The following C1GALT1 variants were observed in gnomAD, a reference collection of about 807,000 sequenced individuals.
C1GALT1 encodes glycoprotein-N-acetylgalactosamine 3-beta-galactosyltransferase 1.
In C1GALT1, 11 loss-of-function variants were observed where a neutral mutation model predicts 31.0. That is an observed-to-expected ratio of 0.36 (90% CI 0.22 to 0.59). C1GALT1 has a LOEUF of 0.59. Among genes scored for constraint, C1GALT1 ranks in the 20% least tolerant of loss-of-function variants. The pLI, the probability that C1GALT1 is intolerant of heterozygous loss-of-function variation, is 0.79. For synonymous variants in C1GALT1, 175 were observed against 143.6 expected (o/e 1.22, Z -1.56); for missense variants, 424 against 425.2 (o/e 1.00, Z 0.03).
At chr7:7,206,676 CA>C (rs33962259) in intron 1 of C1GALT1, among the ~76,000 whole-genome samples, 46,233 of 114,480 alleles carry the variant, frequency 0.4, 7,789 homozygotes, top group East Asian at 0.66. Flanking sequence ...AACTCCGTCT[CA>C]AAAAAAAAAA....
chr7:7,202,001 CAG>C (rs1288686447), intron 1 of C1GALT1, among the ~76,000 whole-genome samples: 1 of 152,218 alleles, frequency 6.6e-6, no homozygotes, highest in Non-Finnish European at 1.5e-5. Flanking sequence ...TCCCTGGTGA[CAG>C]AGAGTGCCCA....
intron 1 of C1GALT1, among the ~76,000 whole-genome samples, chr7:7,232,280 C>A (rs1029426893): frequency 6.6e-6 from 1 of 152,134 alleles, no homozygotes; most frequent in Non-Finnish European, 1.5e-5. Flanking sequence ...ACCTAGTCAG[C>A]CATTCCAGAA....
chr7:7,166,475 A>C (rs903886125), intron 2 of C1GALT1, among the ~76,000 whole-genome samples: 1 of 152,200 alleles, frequency 6.6e-6, no homozygotes, highest in African/African-American at 2.4e-5. Context: ...GACAGAAAGC[A>C]GATCAGTGGT....
chr7:7,201,754 C>G (rs1268874366), intron 1 of C1GALT1, among the ~76,000 whole-genome samples: 2 of 152,216 alleles, frequency 1.3e-5, no homozygotes, highest in African/African-American at 2.4e-5. Context: ...ATGCCCTCCC[C>G]CTCCCCCGAG....
At chr7:7,226,132 A>AC in intron 1 of C1GALT1, among the ~76,000 whole-genome samples, 1 of 152,280 alleles carries the variant, frequency 6.6e-6, no homozygotes, top group African/African-American at 2.4e-5. Flanking sequence ...CTAACATGGT[A>AC]CCTCACATGT....
chr7:7,214,122 A>G lies in C1GALT1; in HGVS notation c.-17-20181A>G, dbSNP rs147681744. Among the ~76,000 whole-genome samples, 641 of 152,340 alleles carry G rather than the reference A, an allele frequency of 4.2e-3. 2 individuals are homozygous for G. Among genetic ancestry groups the G allele is most frequent in the Middle Eastern group, 0.024 (7 of 294 alleles). Reference sequence around the variant, plus strand: ...TAGTTATTACACACCAAAGCTTTTCATAATGTGAAGTAATTTGATACCCCC... The same window carrying G: ...TAGTTATTACACACCAAAGCTTTTCGTAATGTGAAGTAATTTGATACCCCC... On this transcript the variant is annotated intron_variant, in intron 1 of 3. Coordinates refer to ENST00000436587, the MANE Select transcript of C1GALT1 (RefSeq NM_020156.5).
intron 1 of C1GALT1, among the ~76,000 whole-genome samples, chr7:7,184,825 C>A (rs1780741487): frequency 6.6e-6 from 1 of 152,198 alleles, no homozygotes; most frequent in Non-Finnish European, 1.5e-5. Flanking sequence ...ATTAAAGACG[C>A]TGATGTACAA....
At chr7:7,209,113 C>G (rs146634361) in intron 1 of C1GALT1, among the ~76,000 whole-genome samples, 1 of 152,134 alleles carries the variant, frequency 6.6e-6, no homozygotes, top group Non-Finnish European at 1.5e-5. Context: ...TCCATTTACT[C>G]GTTTTATTTT....
chr7:7,216,206 GA>G (rs1249047080), intron 1 of C1GALT1, among the ~76,000 whole-genome samples: 17 of 152,288 alleles, frequency 1.1e-4, no homozygotes, highest in African/African-American at 4.1e-4. Flanking sequence ...TACCCATTTA[GA>G]AAAAGAAGCG....
intron 1 of C1GALT1, among the ~76,000 whole-genome samples, chr7:7,216,413 T>C (rs1196821328): frequency 6.6e-6 from 1 of 152,134 alleles, no homozygotes; most frequent in Non-Finnish European, 1.5e-5. Flanking sequence ...TAACCACATC[T>C]ACCCAAGCAG....
chr7:7,223,621 C>G (rs1389098095), intron 1 of C1GALT1, among the ~76,000 whole-genome samples: 1 of 152,070 alleles, frequency 6.6e-6, no homozygotes, highest in Non-Finnish European at 1.5e-5. Flanking sequence ...TGTGACCTTG[C>G]TGAATTTACT....
chr7:7,225,413 T>G (rs1251176411), intron 1 of C1GALT1, among the ~76,000 whole-genome samples: 1 of 152,200 alleles, frequency 6.6e-6, no homozygotes, highest in Non-Finnish European at 1.5e-5. Context: ...TTGAAAATAA[T>G]TTTTGAGCTT....
Position 7,162,675 on chromosome 7 carries a change from C to T in C1GALT1, c.-18+5249C>T, listed in dbSNP as rs983195960. ...CAAATGGTATTTCTAGTTCTAGATC[C>T]CTGAGGAATCGCCACACTGACTTCC... On this transcript the variant is annotated intron_variant, in intron 2 of 3. Transcript: ENST00000429911. Among the ~76,000 whole-genome samples, 232 of 150,516 alleles carry T rather than the reference C, an allele frequency of 1.5e-3. 2 individuals carry two copies. Among genetic ancestry groups the T allele is most frequent in the Middle Eastern group, 0.01 (3 of 286 alleles).
chr7:7,194,393 G>C (rs1429447340), intron 1 of C1GALT1, among the ~76,000 whole-genome samples: 2 of 152,044 alleles, frequency 1.3e-5, no homozygotes, highest in Non-Finnish European at 2.9e-5. Context: ...AGGGACACTG[G>C]ATTTTGCCAA....
chr7:7,225,057 G>C (rs748420202), intron 1 of C1GALT1, among the ~76,000 whole-genome samples: 4 of 151,564 alleles, frequency 2.6e-5, no homozygotes, highest in Non-Finnish European at 5.9e-5. Context: ...GAACTAATAA[G>C]GTTTTCTGTC....
At chr7:7,208,053 T>A (rs1257107184) in intron 1 of C1GALT1, among the ~76,000 whole-genome samples, 4 of 152,224 alleles carry the variant, frequency 2.6e-5, no homozygotes, top group Non-Finnish European at 5.9e-5. Context: ...AAATCTTGTT[T>A]CAACCTGCTT....
intron 1 of C1GALT1, among the ~76,000 whole-genome samples, chr7:7,195,778 C>G (rs970118590): frequency 6.6e-6 from 1 of 152,054 alleles, no homozygotes; most frequent in African/African-American, 2.4e-5. Context: ...ATTAAAGTCC[C>G]CCACTATTAC....
chr7:7,183,076 T>C (rs1420867016), intron 1 of C1GALT1, among the ~76,000 whole-genome samples: 1 of 152,110 alleles, frequency 6.6e-6, no homozygotes, highest in Non-Finnish European at 1.5e-5. Context: ...TGTGGACATG[T>C]ACCCTCCTCT....
chr7:7,213,837 C>T (rs140441877), intron 1 of C1GALT1, among the ~76,000 whole-genome samples: 4 of 152,320 alleles, frequency 2.6e-5, no homozygotes, highest in African/African-American at 7.2e-5. Flanking sequence ...TTAAGACCCT[C>T]TTGCTATGCG....
Sources: gnomAD v4.1 joint callset for allele counts (sites outside exome capture counted in the v4.1 genomes callset) on GRCh38, gnomAD v4.1.1 for gene constraint, MANE v1.5 for transcripts, NCBI Gene and HGNC (gene_info 2026-07-23, HGNC 2026-07-21) for gene names.